The following PRKCH variants were observed in gnomAD, a reference collection of about 807,000 sequenced individuals.
PRKCH encodes the protein protein kinase C eta type.
Under a neutral mutation model 82.5 loss-of-function variants are expected in PRKCH, and 28 were observed. The ratio of observed to expected loss-of-function variants is 0.34; its 90% CI spans 0.25 to 0.47. The LOEUF (loss-of-function observed/expected upper bound fraction) is 0.47, where lower values mean the gene tolerates loss of function less well. Among genes scored for constraint, PRKCH ranks in the 20% least tolerant of loss-of-function variants. The pLI is 1.00. For missense variants in PRKCH, 705 were observed against 881.8 expected (o/e 0.80, Z 2.54); for synonymous variants, 322 against 327.4 (o/e 0.98, Z 0.18).
chr14:61,412,300 C>A (rs1307934113), intron 2 of PRKCH, among the ~76,000 whole-genome samples: 1 of 152,026 alleles, frequency 6.6e-6, no homozygotes, highest in Non-Finnish European at 1.5e-5. Context: ...ATATGTTAAG[C>A]AGAAACATAC....
At chr14:61,453,117 C>A in intron 6 of PRKCH, 109 bp from the exon 7 acceptor site, 1 of 1,343,348 alleles carries the variant, frequency 7.4e-7, no homozygotes, top group Non-Finnish European at 1.1e-6. Flanking sequence ...ACTGTTCAGC[C>A]GGTATAATTC....
intron 1 of PRKCH, among the ~76,000 whole-genome samples, chr14:61,227,604 A>C (rs2044707415): frequency 6.7e-6 from 1 of 148,268 alleles, no homozygotes; most frequent in South Asian, 2.1e-4. Flanking sequence ...AAAAATAGAT[A>C]AATAAATAAA....
chr14:61,434,536 C>T (rs1316922893), intron 2 of PRKCH, among the ~76,000 whole-genome samples: 2 of 152,076 alleles, frequency 1.3e-5, no homozygotes, highest in East Asian at 3.9e-4. Context: ...ATGAAATATT[C>T]ATAGAATCAC....
At chr14:61,194,773 G>A (rs930492618) in intron 1 of PRKCH, among the ~76,000 whole-genome samples, 2 of 151,788 alleles carry the variant, frequency 1.3e-5, no homozygotes, top group South Asian at 2.1e-4. Context: ...TGCTCTCATC[G>A]CCCAGGCTTG....
At chr14:61,328,220 G>A (rs7493854) in intron 1 of PRKCH, among the ~76,000 whole-genome samples, 6 of 130,684 alleles carry the variant, frequency 4.6e-5, no homozygotes, top group African/African-American at 1.8e-4. Context: ...ACTGCGGTCC[G>A]CAGTCCGGCC....
At chr14:61,325,881 G>A (rs543434729) in intron 1 of PRKCH, among the ~76,000 whole-genome samples, 1 of 152,200 alleles carries the variant, frequency 6.6e-6, no homozygotes, top group South Asian at 2.1e-4. Context: ...GAGTCATTAA[G>A]GAAATGCAAA....
intron 12 of PRKCH, among the ~76,000 whole-genome samples, chr14:61,532,728 A>G (rs1003595482): frequency 6.6e-6 from 1 of 152,228 alleles, no homozygotes; most frequent in Non-Finnish European, 1.5e-5. Flanking sequence ...GGTAACGAGC[A>G]GATACACTGT....
rs7142627 is a variant in PRKCH, at chr14:61,262,681, T to G, written c.-19+75013T>G. On this transcript the variant is annotated intron_variant, in intron 1 of 3. Coordinates refer to the PRKCH transcript ENST00000555185. ...CACCTAAGATCTGTACATGGCATTG[T>G]ATGTAAATCATGTCTCAAGGTTTTT... Among the ~76,000 whole-genome samples, 482 of 152,242 alleles carry G rather than the reference T, an allele frequency of 3.2e-3. 3 individuals carry two copies. The highest frequency in any genetic ancestry group is 0.011 in the African/African-American group (467 of 41,540).
At chr14:61,478,844 G>A (rs1885842757) in intron 9 of PRKCH, among the ~76,000 whole-genome samples, 1 of 152,156 alleles carries the variant, frequency 6.6e-6, no homozygotes, top group African/African-American at 2.4e-5. Flanking sequence ...CTGGGTGACA[G>A]AGCAAGACCC....
chr14:61,218,114 T>C (rs1389748966), intron 1 of PRKCH, among the ~76,000 whole-genome samples: 2 of 152,160 alleles, frequency 1.3e-5, no homozygotes, highest in Non-Finnish European at 2.9e-5. Flanking sequence ...TTCAACCAAA[T>C]TCATAGAAGC....
intron 1 of PRKCH, chr14:61,360,929 A>C (rs918444898): frequency 2.0e-5 from 3 of 152,212 alleles, no homozygotes; most frequent in Admixed American, 6.5e-5. Flanking sequence ...GGGGTGATGG[A>C]CTTCTGCAGT....
intron 3 of PRKCH, among the ~76,000 whole-genome samples, chr14:61,444,270 CT>C (rs991626860): frequency 2.5e-4 from 38 of 152,090 alleles, no homozygotes; most frequent in African/African-American, 8.9e-4. Context: ...AATTGTATTA[CT>C]TTTTTTTGGG....
At chr14:61,497,079 C>G (rs1395066445) in intron 10 of PRKCH, among the ~76,000 whole-genome samples, 1 of 152,166 alleles carries the variant, frequency 6.6e-6, no homozygotes, top group Non-Finnish European at 1.5e-5. Context: ...CATTTATATC[C>G]TCATACATAT....
intron 1 of PRKCH, among the ~76,000 whole-genome samples, chr14:61,339,250 TTC>T (rs2045898013): frequency 6.6e-6 from 1 of 151,858 alleles, no homozygotes; most frequent in Non-Finnish European, 1.5e-5. Context: ...CCCCTCTGTG[TTC>T]TCCCTGGGCC....
At chr14:61,370,214 A>G (rs564885561) in intron 1 of PRKCH, among the ~76,000 whole-genome samples, 1 of 152,258 alleles carries the variant, frequency 6.6e-6, no homozygotes, top group East Asian at 1.9e-4. Context: ...AAGCGTTGGG[A>G]TTACAGGCGT....
chr14:61,244,875 T>C (rs527647377), intron 1 of PRKCH, among the ~76,000 whole-genome samples: 10 of 152,170 alleles, frequency 6.6e-5, no homozygotes, highest in Admixed American at 6.5e-5. Flanking sequence ...GACATCAGGG[T>C]GGGTCTTTGA....
chr14:61,422,445 T>C (rs557261308), intron 2 of PRKCH, among the ~76,000 whole-genome samples: 1 of 152,328 alleles, frequency 6.6e-6, no homozygotes, highest in South Asian at 2.1e-4. Flanking sequence ...GCAAAGCACC[T>C]TTCTAGAATA....
chr14:61,499,967 C>T (rs549651254), intron 10 of PRKCH, among the ~76,000 whole-genome samples: 46 of 151,176 alleles, frequency 3.0e-4, no homozygotes, highest in Non-Finnish European at 4.3e-4. Context: ...TCTAGTTTAC[C>T]TGTTAACAAA....
chr14:61,263,400 G>T (rs1266962888), intron 1 of PRKCH, among the ~76,000 whole-genome samples: 1 of 152,004 alleles, frequency 6.6e-6, no homozygotes, highest in Non-Finnish European at 1.5e-5. Context: ...GTTATTGTGT[G>T]TTTGTGTATC....
Sources: allele counts gnomAD v4.1 joint callset (sites outside exome capture counted in the v4.1 genomes callset), GRCh38; gene constraint gnomAD v4.1.1; transcripts MANE v1.5; gene names NCBI Gene and HGNC (gene_info 2026-07-23, HGNC 2026-07-21).